The following RYR3 variants were observed in gnomAD, a reference collection of about 807,000 sequenced individuals.
RYR3 encodes brain ryanodine receptor-calcium release channel.
Under a neutral mutation model 584.3 loss-of-function variants are expected in RYR3, and 207 were observed. The ratio of observed to expected loss-of-function variants is 0.35; its 90% CI spans 0.32 to 0.40. RYR3 has a LOEUF of 0.40. Ranked by LOEUF, RYR3 falls within the 10% of genes least tolerant of loss-of-function variation. The pLI is 1.00. For synonymous variants in RYR3, 2,416 were observed against 2,248.5 expected, an observed-to-expected ratio of 1.07 and a Z score of -2.11; for missense variants, 5,616 against 6,089.2, an observed-to-expected ratio of 0.92 and a Z score of 2.59.
chr15:33,315,336 G>A (rs1019757940), intron 1 of RYR3, among the ~76,000 whole-genome samples: 3 of 152,178 alleles, frequency 2.0e-5, no homozygotes, highest in Non-Finnish European at 4.4e-5. Context: ...GCTGCATGAA[G>A]CCTGTGTTTT....
In RYR3 at chr15:33,562,952, G is replaced by C. The variant is rs747279139; in HGVS notation, c.1088G>C (p.Trp363Ser). ...CFVQHIASGL[W>S]VTYKAQDAKT... The stretch of plus-strand genomic sequence containing the variant: ...GTGCAGCATATAGCCAGTGGTCTGT[G>C]GGTGACCTACAAAGCACAAGACGCC... The change falls in exon 11 of 104, where the codon TGG becomes TCG. Residue 363 changes from tryptophan (W) to serine (S), a missense_variant. Transcript: ENST00000634891. 1.2e-6 allele frequency: 2 copies of C among 1,613,584 alleles called. No individual in the cohort carries two copies. The highest frequency in any genetic ancestry group is 2.2e-5 in the South Asian group (2 of 91,006).
chr15:33,546,101 C>T (rs1352252047), intron 8 of RYR3, among the ~76,000 whole-genome samples: 1 of 152,132 alleles, frequency 6.6e-6, no homozygotes, highest in East Asian at 1.9e-4. Context: ...AGAACAAGAA[C>T]AAGTTGTTTC....
At chr15:33,363,222 A>G (rs1365448400) in intron 1 of RYR3, among the ~76,000 whole-genome samples, 1 of 152,190 alleles carries the variant, frequency 6.6e-6, no homozygotes, top group East Asian at 1.9e-4. Context: ...ATCTTTTTGC[A>G]GAGGCTCACT....
chr15:33,725,649 G>T (rs1274514034), intron 45 of RYR3, among the ~76,000 whole-genome samples: 2 of 151,910 alleles, frequency 1.3e-5, no homozygotes, highest in Non-Finnish European at 2.9e-5. Flanking sequence ...AAATTCATAA[G>T]CCATTTCTAT....
chr15:33,516,670 A>C (rs768441025), intron 3 of RYR3, among the ~76,000 whole-genome samples: 1 of 152,068 alleles, frequency 6.6e-6, no homozygotes, highest in Non-Finnish European at 1.5e-5. Context: ...CACTTGATCT[A>C]GGAAAAGAGT....
intron 57 of RYR3, among the ~76,000 whole-genome samples, chr15:33,753,349 T>G (rs946498352): frequency 6.6e-6 from 1 of 152,216 alleles, no homozygotes; most frequent in Non-Finnish European, 1.5e-5. Context: ...CTGGAGAGAT[T>G]GAATGCATCA....
chr15:33,642,130 AAAG>A (rs1412367069), intron 27 of RYR3, among the ~76,000 whole-genome samples: 1 of 152,206 alleles, frequency 6.6e-6, no homozygotes, highest in Non-Finnish European at 1.5e-5. Flanking sequence ...CCTTAGAAAA[AAAG>A]AAGTCTTATG....
At chr15:33,530,548 C>T (rs757900058) in intron 3 of RYR3, 44 bp from the exon 4 acceptor site, 1 of 1,392,576 alleles carries the variant, frequency 7.2e-7, no homozygotes, top group Non-Finnish European at 1.0e-6. Flanking sequence ...CCCGGAGAAG[C>T]CACAACGGGC....
chr15:33,321,944 CAG>C (rs1315396085), intron 1 of RYR3, among the ~76,000 whole-genome samples: 1 of 152,134 alleles, frequency 6.6e-6, no homozygotes, highest in Non-Finnish European at 1.5e-5. Context: ...GAGAAGGGGT[CAG>C]GGTGAAATGA....
chr15:33,530,163 T>A (rs921993913), intron 3 of RYR3, among the ~76,000 whole-genome samples: 2 of 152,362 alleles, frequency 1.3e-5, no homozygotes, highest in Admixed American at 1.3e-4. Flanking sequence ...GGGAAAAGAC[T>A]GCATGGCACA....
intron 1 of RYR3, among the ~76,000 whole-genome samples, chr15:33,436,246 A>T (rs2141820604): frequency 6.6e-6 from 1 of 152,126 alleles, no homozygotes; most frequent in South Asian, 2.1e-4. Context: ...TTCAAATCTG[A>T]TGGAGTGAAA....
At chr15:33,630,139 G>T (rs184055042) in intron 22 of RYR3, 96 bp downstream of exon 22, 2 of 663,870 alleles carry the variant, frequency 3.0e-6, no homozygotes, top group South Asian at 2.0e-5. Context: ...GCCTGAAAAC[G>T]TGGCACATTC....
At chr15:33,668,209 C>T (rs1469866270) in intron 36 of RYR3, among the ~76,000 whole-genome samples, 5 of 151,310 alleles carry the variant, frequency 3.3e-5, no homozygotes, top group East Asian at 3.9e-4. Flanking sequence ...CCCAGCTACT[C>T]GGGAGGCTGA....
intron 32 of RYR3, among the ~76,000 whole-genome samples, chr15:33,657,810 T>C (rs970621949): frequency 1.3e-5 from 2 of 152,244 alleles, no homozygotes; most frequent in Admixed American, 6.5e-5. Flanking sequence ...GAGGCCACTT[T>C]TGTGTACTAG....
intron 1 of RYR3, among the ~76,000 whole-genome samples, chr15:33,379,034 G>A (rs150632374): frequency 2.6e-5 from 4 of 152,058 alleles, no homozygotes; most frequent in African/African-American, 9.7e-5. Context: ...TACCACAAAG[G>A]TTCTCTTTTT....
rs754622139 is a variant in RYR3 at position 33,785,659 on chromosome 15, C to A, written c.9269-3C>A. Reference sequence around the variant, plus strand: ...CTGTCCCTTTATTCTTCCTCTCAATCAGTTCTGGGGATGCCAGACACGGTA... The same window carrying A: ...CTGTCCCTTTATTCTTCCTCTCAATAAGTTCTGGGGATGCCAGACACGGTA... On this transcript the variant is annotated splice_polypyrimidine_tract_variant and splice_region_variant and intron_variant, in intron 65 of 103. Coordinates refer to ENST00000634891, the MANE Select transcript of RYR3 (RefSeq NM_001036.6). 1.3e-6 allele frequency: 2 copies of A among 1,556,224 alleles called. No individual in the cohort carries two copies. Among genetic ancestry groups the A allele is most frequent in the South Asian group, 1.2e-5 (1 of 82,136 alleles).
chr15:33,728,872 A>G lies in RYR3; in HGVS notation c.7049A>G (p.Glu2350Gly). ...PSLNKDGSVS[E>G]PDMAANFCPD... ...TGTCTTTCAGATGGGTCGGTCAGTG[A>G]GCCAGATATGGCGGCCAATTTCTGC... is the stretch of plus-strand genomic sequence containing the variant. Residue 2350 changes from glutamate to glycine, a missense_variant, in exon 47 of 104, where the codon GAG (glutamate) becomes GGG (glycine). Around this residue, in one of 9 missense-constraint regions of RYR3, gnomAD observed 1,280 missense variants for 1,426.2 expected, o/e 0.90. Transcript: ENST00000634891. 6.2e-7 allele frequency: 1 copy of G among 1,612,038 alleles called. No individual in the cohort carries two copies. Among genetic ancestry groups the G allele is most frequent in the Non-Finnish European group, 8.5e-7 (1 of 1,179,350 alleles).
At chr15:33,725,902 G>A (rs1003263457) in intron 45 of RYR3, among the ~76,000 whole-genome samples, 7 of 144,180 alleles carry the variant, frequency 4.9e-5, no homozygotes, top group South Asian at 4.4e-4. Context: ...CCTGGGAGGC[G>A]GAGCTTGCAG....
chr15:33,796,164 T>C (rs560064778), intron 67 of RYR3, among the ~76,000 whole-genome samples: 2 of 152,110 alleles, frequency 1.3e-5, no homozygotes, highest in African/African-American at 4.8e-5. Flanking sequence ...GGACAAAGTC[T>C]CGCTCTGTCG....
Sources: allele counts gnomAD v4.1 joint callset (sites outside exome capture counted in the v4.1 genomes callset), GRCh38; gene constraint gnomAD v4.1.1; regional missense constraint gnomAD v4.1.1; transcripts MANE v1.5; gene names NCBI Gene and HGNC (gene_info 2026-07-23, HGNC 2026-07-21).